EIF4G3: variants seen among roughly 807,000 people sequenced by gnomAD.
EIF4G3 encodes eukaryotic translation initiation factor 4 gamma 3, also known as eIF-4-gamma 3.
A neutral mutation model predicts 186.4 loss-of-function variants in EIF4G3; 34 were observed. The ratio of observed to expected loss-of-function variants is 0.18; its 90% CI spans 0.14 to 0.24. The LOEUF is 0.24. Ranked by LOEUF, EIF4G3 falls within the 10% of genes least tolerant of loss-of-function variation. The pLI is 1.00. For missense variants in EIF4G3, 1,536 were observed against 1,948.5 expected, an observed-to-expected ratio of 0.79 and a Z score of 3.99; for synonymous variants, 673 against 679.5, an observed-to-expected ratio of 0.99 and a Z score of 0.15.
chr1:21,034,125 T>C (rs1402923633), intron 4 of EIF4G3, among the ~76,000 whole-genome samples: 1 of 152,176 alleles, frequency 6.6e-6, no homozygotes, highest in Admixed American at 6.5e-5. Context: ...TCTGGGAATT[T>C]ATCACAGTTC....
chr1:20,902,797 C>A (rs1250523979), intron 15 of EIF4G3, among the ~76,000 whole-genome samples: 1 of 152,134 alleles, frequency 6.6e-6, no homozygotes, highest in Admixed American at 6.5e-5. Context: ...CGCGCCACCA[C>A]GGCCAGCTAC....
chr1:20,888,249 A>G (rs2084856383), intron 18 of EIF4G3, among the ~76,000 whole-genome samples: 1 of 152,208 alleles, frequency 6.6e-6, no homozygotes, highest in Non-Finnish European at 1.5e-5. Flanking sequence ...AGACGTGAGA[A>G]AGTAACAATA....
chr1:20,921,140 C>T (rs1465157391), intron 14 of EIF4G3, among the ~76,000 whole-genome samples: 1 of 151,822 alleles, frequency 6.6e-6, no homozygotes, highest in African/African-American at 2.4e-5. Context: ...ATACCATATG[C>T]ATAAAGAAAA....
rs542863933 is a variant in EIF4G3 at position 21,062,320 on chromosome 1, A to C, written c.-195-11326T>G. 2.0e-5 allele frequency among the ~76,000 whole-genome samples: 3 copies of C among 151,964 alleles called. No homozygotes were observed. The South Asian group carries it at 6.2e-4, about 32-fold the overall frequency. On this transcript the variant is annotated intron_variant, in intron 3 of 36. Transcript: ENST00000602326. ...AGCAATCCTCCCACCTCAGCCTCCC[A>C]AAGTACTGGGATTACAGGCATGAGC...
At chr1:21,115,387 T>A (rs1183579593) in intron 2 of EIF4G3, among the ~76,000 whole-genome samples, 2 of 152,148 alleles carry the variant, frequency 1.3e-5, no homozygotes, top group Non-Finnish European at 2.9e-5. Context: ...TACATGAGCA[T>A]GGCACCTCAA....
chr1:20,847,109 A>G (rs1200824189), intron 29 of EIF4G3, among the ~76,000 whole-genome samples: 1 of 152,212 alleles, frequency 6.6e-6, no homozygotes, highest in Non-Finnish European at 1.5e-5. Context: ...TCTGGCACTT[A>G]TTAGCAGTTA....
In EIF4G3 at chr1:21,048,410, T is replaced by G. The variant is rs370300751; in HGVS notation, c.-67+2456A>C. On this transcript the variant is annotated intron_variant, in intron 4 of 36. Coordinates refer to ENST00000602326, the MANE Select transcript of EIF4G3 (RefSeq NM_001391906.1). ...TCAGCTGACACAACATTAAGTTTTG[T>G]CAGTAGAAGGCTCTAGAGATATGTA... Among the ~76,000 whole-genome samples, 48 of 152,276 alleles carry G rather than the reference T, an allele frequency of 3.2e-4. 2 individuals carry two copies. The East Asian group carries it at 6.8e-3, about 21-fold the overall frequency.
At chr1:20,888,854 T>C (rs1012763983) in intron 18 of EIF4G3, among the ~76,000 whole-genome samples, 3 of 152,198 alleles carry the variant, frequency 2.0e-5, no homozygotes, top group Non-Finnish European at 2.9e-5. Flanking sequence ...ATTTATGGTA[T>C]CCTTCAGAAG....
At position 20,845,519 on chromosome 1, in the gene EIF4G3, G is replaced by A. The variant is rs1464781528; in HGVS notation, c.3888+3896C>T. ...CTACTAAAAGTACAAAAAATTAGCC[G>A]GGCATGGTGGCGGGCGCCTGTAGTC... On this transcript the variant is annotated intron_variant, in intron 29 of 36. Transcript: ENST00000602326. 4.6e-5 allele frequency among the ~76,000 whole-genome samples: 7 copies of A among 152,112 alleles called. No homozygotes were observed. The East Asian group carries it at 5.8e-4, about 13-fold the overall frequency.
intron 3 of EIF4G3, among the ~76,000 whole-genome samples, chr1:21,077,756 T>C (rs2095631876): frequency 1.3e-5 from 2 of 151,754 alleles, no homozygotes. Flanking sequence ...GGCGCATGCC[T>C]GTAATCCCAG....
intron 20 of EIF4G3, among the ~76,000 whole-genome samples, chr1:20,869,966 C>G (rs1488105473): frequency 1.3e-5 from 2 of 152,026 alleles, no homozygotes; most frequent in African/African-American, 4.8e-5. Context: ...ACACATCTAT[C>G]AAAATGGATC....
intron 14 of EIF4G3, among the ~76,000 whole-genome samples, chr1:20,920,281 A>G (rs965989443): frequency 5.3e-5 from 8 of 152,230 alleles, no homozygotes; most frequent in African/African-American, 1.9e-4. Flanking sequence ...TATGTTTTAA[A>G]TCACATATTT....
chr1:21,162,170 T>C (rs2097778227), intron 2 of EIF4G3: 1 of 152,364 alleles, frequency 6.6e-6, no homozygotes, highest in African/African-American at 2.4e-5. Context: ...GTAAATAATT[T>C]CCATGTCTGT....
At chr1:21,116,604 G>A (rs548930458) in intron 2 of EIF4G3, among the ~76,000 whole-genome samples, 1 of 152,200 alleles carries the variant, frequency 6.6e-6, no homozygotes, top group East Asian at 1.9e-4. Context: ...TTGGGAGGCT[G>A]AGGGGGGTGC....
At chr1:21,140,824 G>A (rs1473962908) in intron 2 of EIF4G3, among the ~76,000 whole-genome samples, 4 of 152,116 alleles carry the variant, frequency 2.6e-5, no homozygotes, top group Non-Finnish European at 5.9e-5. Context: ...CTTCAATTAC[G>A]TTCTTCACTG....
intron 2 of EIF4G3, among the ~76,000 whole-genome samples, chr1:21,165,214 C>T (rs142494654): frequency 1.3e-5 from 2 of 152,222 alleles, no homozygotes; most frequent in African/African-American, 4.8e-5. Context: ...AACTGAAATC[C>T]TCATACATTG....
In EIF4G3 at chr1:20,883,966, A is replaced by G. The variant is rs146542329; in HGVS notation, c.2424+2235T>C. 4.2e-3 allele frequency among the ~76,000 whole-genome samples: 642 copies of G among 152,296 alleles called. 3 individuals are homozygous for G. Among genetic ancestry groups the G allele is most frequent in the African/African-American group, 0.014 (579 of 41,562 alleles). On this transcript the variant is annotated intron_variant, in intron 19 of 36. Transcript: ENST00000602326. The stretch of plus-strand genomic sequence containing the variant: ...GAAGAAAGAGAATGCAGGGAATCCT[A>G]GGGGTAGAAGCCCAGACATGTCCTG...
At chr1:20,817,596 T>C in intron 33 of EIF4G3, 58 bp from the exon 34 acceptor site, 20 of 1,157,890 alleles carry the variant, frequency 1.7e-5, no homozygotes, top group Non-Finnish European at 2.2e-5. Context: ...GTTATTGTCA[T>C]CCTGAGAGAA....
chr1:21,125,975 G>C (rs1394229550), intron 2 of EIF4G3, among the ~76,000 whole-genome samples: 1 of 151,172 alleles, frequency 6.6e-6, no homozygotes, highest in Non-Finnish European at 1.5e-5. Context: ...AGGCCAAGGA[G>C]GGAGGATCAC....
Sources: allele counts gnomAD v4.1 joint callset (sites outside exome capture counted in the v4.1 genomes callset), GRCh38; gene constraint gnomAD v4.1.1; transcripts MANE v1.5; gene names NCBI Gene and HGNC (gene_info 2026-07-23, HGNC 2026-07-21).